The following WDR87 variants were observed in gnomAD, a reference collection of about 807,000 sequenced individuals.
WDR87 encodes WD repeat domain 87.
WDR87 carries 56 observed loss-of-function variants against 83.3 expected under a neutral mutation model. The ratio of observed to expected loss-of-function variants is 0.67; its 90% CI spans 0.54 to 0.84. WDR87 has a LOEUF of 0.84. Among genes scored for constraint, WDR87 ranks in the 40% least tolerant of loss-of-function variants. The pLI is 0.00. For synonymous variants in WDR87, 1,173 were observed against 1,250.6 expected (o/e 0.94, Z 1.31); for missense variants, 2,939 against 3,431.9 (o/e 0.86, Z 3.59).
chr19:37,888,504 C>T lies in WDR87; in HGVS notation c.5167G>A (p.Gly1723Arg). ...REEEKLAKKGGKLAEVKNILA... is the reference protein window; with the variant it reads ...REEEKLAKKGRKLAEVKNILA... ...ATGTTTTTCACCTCAGCCAGTTTCC[C>T]TCCTTTCTTTGCTAGTTTCTCTTCT... The change falls in exon 6 of 6, where the codon GGG becomes AGG. Residue 1723 changes from glycine to arginine, a missense_variant. Around this residue, in one of 3 missense-constraint regions of WDR87, gnomAD observed 2,160 missense variants for 2,533.1 expected, o/e 0.85. Transcript: ENST00000447313. 6.4e-7 allele frequency: 1 copy of T among 1,551,680 alleles called. No individual in the cohort carries two copies. The highest frequency in any genetic ancestry group is 2.4e-5 in the East Asian group (1 of 40,918).
intron 2 of WDR87, among the ~76,000 whole-genome samples, chr19:37,896,808 T>C (rs1419649271): frequency 6.6e-6 from 1 of 152,064 alleles, no homozygotes; most frequent in African/African-American, 2.4e-5. Flanking sequence ...TTAGTGGAGA[T>C]GGAGTTTCAC....
chr19:37,896,596 C>T (rs937325812), intron 2 of WDR87, among the ~76,000 whole-genome samples: 1 of 152,034 alleles, frequency 6.6e-6, no homozygotes, highest in East Asian at 1.9e-4. Flanking sequence ...ATGAAGTTAG[C>T]CATGCCTGCC....
chr19:37,885,753 C>T lies in WDR87; in HGVS notation c.7918G>A (p.Val2640Met), dbSNP rs1397657117. 7 of 1,551,598 alleles carry T rather than the reference C, an allele frequency of 4.5e-6. No individual in the cohort carries two copies. Among genetic ancestry groups the T allele is most frequent in the Non-Finnish European group, 6.1e-6 (7 of 1,147,008 alleles). Reference protein sequence around the residue: ...RQSMSPKYLKVIPPIKAKEKE... With the variant: ...RQSMSPKYLKMIPPIKAKEKE... Reference sequence around the variant, plus strand: ...TCCTTTGCTTTTATAGGAGGAATCACTTTCAGGTATTTTGGACTCATGGAC... The same window carrying T: ...TCCTTTGCTTTTATAGGAGGAATCATTTTCAGGTATTTTGGACTCATGGAC... Residue 2640 changes from valine to methionine, a missense_variant, in exon 6 of 6, where the codon GTG becomes ATG. Transcript: ENST00000447313.
Position 37,893,992 on chromosome 19 carries a change from C to G in WDR87, c.1711G>C (p.Gly571Arg). ...THLILLPKSV[G>R]AITETNCLRL... The stretch of plus-strand genomic sequence containing the variant: ...AGGCAGTTTGTCTCTGTGATGGCAC[C>G]CACAGACTTGGGCAAGAGTATCAGA... Residue 571 changes from glycine to arginine, a missense_variant, in exon 4 of 6, where the codon GGT becomes CGT. Gly to Arg is a moderately radical substitution (Grantham distance 125). Coordinates refer to ENST00000447313, the MANE Select transcript of WDR87 (RefSeq NM_001291088.2). The G allele has an allele frequency of 6.4e-7, 1 of 1,551,774 alleles. No homozygotes were observed. The highest frequency in any genetic ancestry group is 8.7e-7 in the Non-Finnish European group (1 of 1,147,020).
chr19:37,886,026 G>C lies in WDR87; in HGVS notation c.7645C>G (p.Gln2549Glu). 1.3e-6 allele frequency: 2 copies of C among 1,551,786 alleles called. No homozygotes were observed. Among genetic ancestry groups the C allele is most frequent in the Non-Finnish European group, 1.7e-6 (2 of 1,147,018 alleles). The change falls in exon 6 of 6, where the codon CAA becomes GAA. Residue 2549 changes from glutamine (Q) to glutamate (E), a missense_variant. Physicochemically the swap from Gln to Glu is conservative, Grantham distance 29. Transcript: ENST00000447313. ...GCATGTTGTTCCTTAGCTGGGATTT[G>C]GGAGAGAGGTAACTGTACCTCAGTC... ...GQTEVQLPLS[Q>E]IPAKEQHADV... is the part of the protein sequence containing the mutation.
At chr19:37,901,686 A>G (rs1489477642) in intron 1 of WDR87, among the ~76,000 whole-genome samples, 1 of 151,034 alleles carries the variant, frequency 6.6e-6, no homozygotes, top group African/African-American at 2.4e-5. Context: ...GGACTTTCAA[A>G]CCCCAAATCT....
At position 37,893,768 on chromosome 19, in the gene WDR87, T is replaced by C; in HGVS notation, c.1935A>G (p.Ser645=). 1.3e-6 allele frequency: 2 copies of C among 1,551,658 alleles called. No homozygotes were observed. Among genetic ancestry groups the C allele is most frequent in the Non-Finnish European group, 1.7e-6 (2 of 1,147,028 alleles). ...AACAGACTGGGCCAAAGTGCAGTGA[T>C]GAGTCCAGAATGCCTATGAGTCTGC... ...FHGRLIGILD[S]SLHFGPVCFA... is the part of the protein sequence containing the mutation. Residue 645 remains serine, a synonymous_variant, in exon 4 of 6, where the codon TCA becomes TCG. Transcript: ENST00000447313.
chr19:37,894,187 C>G lies in WDR87; in HGVS notation c.1516G>C (p.Val506Leu). 6.4e-7 allele frequency: 1 copy of G among 1,552,258 alleles called. No individual in the cohort carries two copies. The highest frequency in any genetic ancestry group is 8.7e-7 in the Non-Finnish European group (1 of 1,147,138). The part of the protein sequence containing the change: ...RLEKFMHFGA[V>L]LALSTLSGGI... ...CCAGACAGCGTGGAGAGTGCCAGTA[C>G]AGCGCCAAAGTGCATGAATTTTTCT... The change falls in exon 4 of 6, where the codon GTA becomes CTA. Residue 506 changes from valine to leucine, a missense_variant. Physicochemically the swap from Val to Leu is conservative, Grantham distance 32. Around this residue, in one of 3 missense-constraint regions of WDR87, gnomAD observed 553 missense variants for 577.9 expected, o/e 0.96. Coordinates refer to ENST00000447313, the MANE Select transcript of WDR87 (RefSeq NM_001291088.2).
Position 37,884,927 on chromosome 19 carries a change from C to A in WDR87, c.*5G>T. On this transcript the variant is annotated 3_prime_UTR_variant, in exon 6 of 6. Transcript: ENST00000447313. Reference sequence around the variant, plus strand: ...GAAAAGTCCCAGCCTCCAGTCAGTCCCAAATTAGAGAGTGGGAGCAACGGT... The same window carrying A: ...GAAAAGTCCCAGCCTCCAGTCAGTCACAAATTAGAGAGTGGGAGCAACGGT... The A allele has an allele frequency of 7.8e-7, 1 of 1,289,940 alleles. No homozygotes were observed. Among genetic ancestry groups the A allele is most frequent in the Non-Finnish European group, 9.9e-7 (1 of 1,011,724 alleles). 79.9% of individuals were successfully genotyped at this position (1,289,940 alleles called of 1,614,324 possible). A position where few individuals can be genotyped will look rare whatever the true frequency, so the allele number is the denominator to read the frequency against.
In WDR87 at chr19:37,895,366, C is replaced by T. The variant is rs917450982; in HGVS notation, c.337G>A (p.Val113Ile). 6.4e-7 allele frequency: 1 copy of T among 1,551,712 alleles called. No homozygotes were observed. Among genetic ancestry groups the T allele is most frequent in the African/African-American group, 1.4e-5 (1 of 73,160 alleles). ...AGGATATGAAAGGAGCCTGCATGGA[C>T]CATGGACTGGATGGGTGGCAATCGT... is the stretch of plus-strand genomic sequence containing the variant. ...TERLPPIQSM[V>I]HAGSFHILVV... Residue 113 changes from valine to isoleucine, a missense_variant, in exon 4 of 6, where the codon GTC (valine) becomes ATC (isoleucine). Val to Ile is a conservative substitution (Grantham distance 29, BLOSUM62 3). Coordinates refer to ENST00000447313, the MANE Select transcript of WDR87 (RefSeq NM_001291088.2).
chr19:37,889,704 A>G lies in WDR87; in HGVS notation c.3967T>C (p.Trp1323Arg). Residue 1323 changes from tryptophan (W) to arginine (R), a missense_variant, in exon 6 of 6, where the codon TGG becomes CGG. Coordinates refer to ENST00000447313, the MANE Select transcript of WDR87 (RefSeq NM_001291088.2). The part of the protein sequence containing the change: ...QEMLVDRHPS[W>R]ELFQEICPLL... ...GGGCAGATCTCCTGAAAGAGTTCCC[A>G]GCTGGGGTGCCTATCTACCAGCATC... 2.6e-6 allele frequency: 4 copies of G among 1,551,696 alleles called. No homozygotes were observed. The highest frequency in any genetic ancestry group is 3.5e-6 in the Non-Finnish European group (4 of 1,146,986).
rs548454669 is a variant in WDR87, at chr19:37,887,930, A to C, written c.5741T>G (p.Val1914Gly). The change falls in exon 6 of 6, where the codon GTG becomes GGG. Residue 1914 changes from valine to glycine, a missense_variant. Physicochemically the swap from Val to Gly is moderately radical, Grantham distance 109 (BLOSUM62 -3). Transcript: ENST00000447313. ...CATTCCCAATTTGTTCTTTACTTGCACTAATTGCTTTTTGCTGTGGGTGAG... is the reference window on the plus strand; with the variant it reads ...CATTCCCAATTTGTTCTTTACTTGCCCTAATTGCTTTTTGCTGTGGGTGAG... ...ERLTHSKKQL[V>G]QVKNKLGMFN... is the part of the protein sequence containing the mutation. 1 of 1,551,478 alleles carries C rather than the reference A, an allele frequency of 6.4e-7. No homozygotes were observed. The highest frequency in any genetic ancestry group is 1.2e-5 in the South Asian group (1 of 84,000).
rs574711691 is a variant in WDR87 at position 37,894,987 on chromosome 19, C to T, written c.716G>A (p.Ser239Asn). 6.4e-7 allele frequency: 1 copy of T among 1,551,708 alleles called. No homozygotes were observed. Among genetic ancestry groups the T allele is most frequent in the South Asian group, 1.2e-5 (1 of 84,060 alleles). The change falls in exon 4 of 6, where the codon AGC becomes AAC. Residue 239 changes from serine to asparagine, a missense_variant. Transcript: ENST00000447313. ...LGEVKRFTST[S>N]SGSSITCCFT... ...GCAGCAGGTGATGGAGGAGCCGCTG[C>T]TGGTGGACGTGAACCTCTTTACCTC... is the stretch of plus-strand genomic sequence containing the variant.
In WDR87 at chr19:37,888,115, G is replaced by A; in HGVS notation, c.5556C>T (p.Ala1852=). ...EQLIEKKMKL[A]QKRERWINSM... ...TGTTGATCCATCTTTCCCTTTTTTG[G>A]GCCAGTTTCATCTTCTTCTCAATCA... Residue 1852 remains alanine, a synonymous_variant, in exon 6 of 6, where the codon GCC becomes GCT. Coordinates refer to ENST00000447313, the MANE Select transcript of WDR87 (RefSeq NM_001291088.2). 1 of 1,550,824 alleles carries A rather than the reference G, an allele frequency of 6.4e-7. No homozygotes were observed. Among genetic ancestry groups the A allele is most frequent in the Non-Finnish European group, 8.7e-7 (1 of 1,146,748 alleles).
rs2046240516 is a variant in WDR87 at position 37,894,865 on chromosome 19, G to C, written c.838C>G (p.Gln280Glu). 6.4e-7 allele frequency: 1 copy of C among 1,551,584 alleles called. No individual in the cohort carries two copies. The highest frequency in any genetic ancestry group is 1.4e-5 in the African/African-American group (1 of 73,054). Reference sequence around the variant, plus strand: ...CAGATCACTCCTGATTGATGGGCCTGGAAACTGTGGAGTGGATGGCCCTGC... The same window carrying C: ...CAGATCACTCCTGATTGATGGGCCTCGAAACTGTGGAGTGGATGGCCCTGC... ...LQQGHPLHSF[Q>E]AHQSGVICIR... The change falls in exon 4 of 6, where the codon CAG becomes GAG. Residue 280 changes from glutamine to glutamate, a missense_variant. By Grantham distance (29) the Gln-to-Glu change is conservative. Coordinates refer to ENST00000447313, the MANE Select transcript of WDR87 (RefSeq NM_001291088.2).
Position 37,893,285 on chromosome 19 carries a change from C to CAATATCTG in WDR87, c.2410_2417dup (p.Leu806PhefsTer26), listed in dbSNP as rs754093316. The CAATATCTG allele has an allele frequency of 2.0e-4, 305 of 1,551,728 alleles. 1 individual carries two copies. The highest frequency in any genetic ancestry group is 1.9e-3 in the African/African-American group (142 of 73,164). On this transcript the variant is annotated frameshift_variant, in exon 4 of 6. Coordinates refer to ENST00000447313, the MANE Select transcript of WDR87 (RefSeq NM_001291088.2). LOFTEE classifies it high-confidence loss of function. ...CCCGCCCATGACCAAAGTAGTATCGCAATATCTGATAGGGGTTGAGTCCAT... is the reference window on the plus strand; with the variant it reads ...CCCGCCCATGACCAAAGTAGTATCGCAATATCTGAATATCTGATAGGGGTTGAGTCCAT...
chr19:37,890,419 T>G, intron 5 of WDR87, 143 bp from the exon 6 acceptor site: 1 of 1,095,546 alleles, frequency 9.1e-7, no homozygotes, highest in Non-Finnish European at 1.2e-6. Context: ...AAAAAAGCAT[T>G]CTCTTTGCTT....
chr19:37,899,677 G>A (rs2046282033), intron 1 of WDR87, among the ~76,000 whole-genome samples: 1 of 152,030 alleles, frequency 6.6e-6, no homozygotes, highest in Non-Finnish European at 1.5e-5. Context: ...TGAGCTCCTG[G>A]TCACAAGTGA....
Position 37,887,553 on chromosome 19 carries a change from C to T in WDR87, c.6118G>A (p.Val2040Ile), listed in dbSNP as rs1020034131. ...ETSRQRKMTQ[V>I]EQELFERKLS... ...TTTCTCTCAAATAGTTCTTGTTCAA[C>T]TTGAGTCATTTTCCTTTGTCTAGAA... The change falls in exon 6 of 6, where the codon GTT (valine) becomes ATT (isoleucine). Residue 2040 changes from valine (V) to isoleucine (I), a missense_variant. Physicochemically the swap from Val to Ile is conservative, Grantham distance 29 (BLOSUM62 3). This residue lies in a region of WDR87 where 2,160 missense variants were observed against 2,533.1 expected (regional missense o/e 0.85). Coordinates refer to ENST00000447313, the MANE Select transcript of WDR87 (RefSeq NM_001291088.2). The T allele has an allele frequency of 2.6e-6, 4 of 1,551,832 alleles. No individual in the cohort carries two copies. The highest frequency in any genetic ancestry group is 3.9e-5 in the Admixed American group (2 of 50,992).
Sources: allele counts gnomAD v4.1 joint callset (sites outside exome capture counted in the v4.1 genomes callset), GRCh38; gene constraint gnomAD v4.1.1; regional missense constraint gnomAD v4.1.1; transcripts MANE v1.5; gene names NCBI Gene and HGNC (gene_info 2026-07-23, HGNC 2026-07-21).